Variants in CYP4Z1 observed in about 807,000 individuals in gnomAD.
CYP4Z1 encodes cytochrome P450 family 4 subfamily Z member 1.
Under a neutral mutation model 54.2 loss-of-function variants are expected in CYP4Z1, and 41 were observed. That is an observed-to-expected ratio of 0.76 (90% CI 0.59 to 0.98). The LOEUF is 0.98. Ranked by LOEUF, CYP4Z1 falls within the 50% of genes least tolerant of loss-of-function variation. CYP4Z1 has a pLI of 0.00. For missense variants in CYP4Z1, 513 were observed against 599.0 expected (o/e 0.86, Z 1.50); for synonymous variants, 163 against 206.2 (o/e 0.79, Z 1.79).
chr1:47,077,819 A>G (rs1234569808), intron 2 of CYP4Z1, among the ~76,000 whole-genome samples: 10 of 151,908 alleles, frequency 6.6e-5, no homozygotes, highest in South Asian at 2.1e-4. Flanking sequence ...GGGTCTCACT[A>G]TGTTGTCCAG....
Position 47,068,663 on chromosome 1 carries a change from G to A in CYP4Z1, c.219G>A (p.Met73Ile). 1.2e-6 allele frequency: 2 copies of A among 1,614,082 alleles called. No homozygotes were observed. Among genetic ancestry groups the A allele is most frequent in the South Asian group, 1.1e-5 (1 of 91,080 alleles). ...VKEFEVYHKL[M>I]EKYPCAVPLW... ...AGTTTGAGGTGTATCATAAGCTGATGGAAAAATACCCATGTGCTGTTCCCT... is the reference window on the plus strand; with the variant it reads ...AGTTTGAGGTGTATCATAAGCTGATAGAAAAATACCCATGTGCTGTTCCCT... Residue 73 changes from methionine to isoleucine, a missense_variant, in exon 2 of 12, where the codon ATG becomes ATA. Coordinates refer to ENST00000334194, the MANE Select transcript of CYP4Z1 (RefSeq NM_178134.3).
At chr1:47,078,417 T>G (rs1222606740) in intron 2 of CYP4Z1, among the ~76,000 whole-genome samples, 1 of 150,844 alleles carries the variant, frequency 6.6e-6, no homozygotes, top group African/African-American at 2.4e-5. Context: ...ATATTCTCTA[T>G]TTGTTCATAC....
At chr1:47,056,557 G>C in the CYP4Z1 span, among the ~76,000 whole-genome samples, 15,603 of 152,174 alleles carry the variant, frequency 0.1, 870 homozygotes, top group East Asian at 0.22. Context: ...GGGAGTCTAA[G>C]TCTCTTCGTA....
upstream of CYP4Z1, among the ~76,000 whole-genome samples, chr1:47,067,226 C>T (rs947974186): frequency 2.0e-5 from 3 of 152,168 alleles, no homozygotes; most frequent in Non-Finnish European, 2.9e-5. Flanking sequence ...TGCAGCAAAG[C>T]TTTCATATGG....
chr1:47,068,774 A>G lies in CYP4Z1; in HGVS notation c.319+11A>G, dbSNP rs763400476. 2 of 1,613,452 alleles carry G rather than the reference A, an allele frequency of 1.2e-6. No individual in the cohort carries two copies. Among genetic ancestry groups the G allele is most frequent in the African/African-American group, 2.7e-5 (2 of 74,900 alleles). ...TCCTGAAAAGACAAGGTAAAAACCA[A>G]GAGGGGCTCACAGTACAGAGCAGCA... On this transcript the variant is annotated intron_variant, in intron 2 of 11. Transcript: ENST00000334194.
intron 6 of CYP4Z1, among the ~76,000 whole-genome samples, chr1:47,088,735 GC>G (rs1287955576): frequency 1.4e-5 from 2 of 138,006 alleles, no homozygotes; most frequent in South Asian, 2.5e-4. Context: ...TCCTGCCTCA[GC>G]CCCCCAAGCA....
the CYP4Z1 span, among the ~76,000 whole-genome samples, chr1:47,058,131 C>T: frequency 6.6e-6 from 1 of 152,120 alleles, no homozygotes; most frequent in Admixed American, 6.6e-5. Context: ...AGCTTTTCAT[C>T]TCCTGAATCA....
At chr1:47,056,919 A>G in the CYP4Z1 span, among the ~76,000 whole-genome samples, 1 of 152,104 alleles carries the variant, frequency 6.6e-6, no homozygotes, top group Non-Finnish European at 1.5e-5. Context: ...GCCCATTTAC[A>G]TTTAAGGTTA....
At chr1:47,059,930 G>C in the CYP4Z1 span, among the ~76,000 whole-genome samples, 1 of 152,108 alleles carries the variant, frequency 6.6e-6, no homozygotes. Context: ...ATTATGTGAA[G>C]TCCAGGGCAC....
intron 9 of CYP4Z1, among the ~76,000 whole-genome samples, chr1:47,113,215 A>G (rs2148542632): frequency 6.6e-6 from 1 of 152,298 alleles, no homozygotes; most frequent in Admixed American, 6.5e-5. Context: ...CAAGTATTAA[A>G]GCTTGGCTTC....
intron 2 of CYP4Z1, among the ~76,000 whole-genome samples, chr1:47,070,028 T>C (rs1644480513): frequency 8.6e-6 from 1 of 116,836 alleles, no homozygotes; most frequent in African/African-American, 3.6e-5. Flanking sequence ...TATGGGATGT[T>C]AAGTTATTTA....
chr1:47,094,443 G>A (rs542992906), intron 6 of CYP4Z1, 123 bp from the exon 7 acceptor site: 381 of 639,948 alleles, frequency 6.0e-4, no homozygotes, highest in Non-Finnish European at 6.6e-4. Flanking sequence ...ACCAACTCAG[G>A]AACATTGGGT....
chr1:47,113,693 C>A (rs563760408), intron 9 of CYP4Z1, among the ~76,000 whole-genome samples: 2 of 152,286 alleles, frequency 1.3e-5, no homozygotes, highest in African/African-American at 2.4e-5. Context: ...CTCCCATTCA[C>A]AATTGCTTCA....
chr1:47,077,125 T>C (rs1368615398), intron 2 of CYP4Z1, among the ~76,000 whole-genome samples: 1 of 151,924 alleles, frequency 6.6e-6, no homozygotes, highest in African/African-American at 2.4e-5. Context: ...AAGTTCTCTA[T>C]TTCCTTATTA....
Position 47,073,645 on chromosome 1 carries a change from A to G in CYP4Z1, c.319+4882A>G, listed in dbSNP as rs568720395. The stretch of plus-strand genomic sequence containing the variant: ...GCATGAGCCAACGCACCAGGCCAAG[A>G]CCAATTTTATTTTAATTTGCATTTC... On this transcript the variant is annotated intron_variant, in intron 2 of 11. Transcript: ENST00000334194. Among the ~76,000 whole-genome samples the G allele has an allele frequency of 4.0e-4, 61 of 152,352 alleles. No individual in the cohort carries two copies. The South Asian group carries it at 0.013, about 32-fold the overall frequency.
In CYP4Z1 at chr1:47,067,667, G is replaced by A; in HGVS notation, c.177G>A (p.Glu59=). 6.3e-7 allele frequency: 1 copy of A among 1,593,894 alleles called. No individual in the cohort carries two copies. Residue 59 remains glutamate, a splice_region_variant and synonymous_variant, in exon 1 of 12, where the codon GAG becomes GAA. Transcript: ENST00000334194. ...PPAHWFYGHK[E]FYPVKEFEVY... is the part of the protein sequence containing the mutation. ...CCCACTGGTTCTATGGCCACAAGGA[G>A]GTAAGAGGAGAAAATTAGTTGGGGA...
upstream of CYP4Z1, among the ~76,000 whole-genome samples, chr1:47,065,491 T>C (rs919989901): frequency 1.3e-5 from 2 of 152,014 alleles, no homozygotes; most frequent in Admixed American, 6.6e-5. Context: ...TGAACAATAA[T>C]AGTGACACAA....
the CYP4Z1 span, among the ~76,000 whole-genome samples, chr1:47,055,656 A>T: frequency 6.6e-6 from 1 of 152,138 alleles, no homozygotes; most frequent in Non-Finnish European, 1.5e-5. Flanking sequence ...GGGAGGGTGT[A>T]TGTGTCGAGG....
chr1:47,087,497 T>C (rs1644605097), intron 6 of CYP4Z1, among the ~76,000 whole-genome samples: 1 of 152,232 alleles, frequency 6.6e-6, no homozygotes, highest in Admixed American at 6.5e-5. Context: ...TCTCTGTTTG[T>C]CTGTTATTGG....
Sources: gnomAD v4.1 joint callset for allele counts (sites outside exome capture counted in the v4.1 genomes callset) on GRCh38, gnomAD v4.1.1 for gene constraint, MANE v1.5 for transcripts, NCBI Gene and HGNC (gene_info 2026-07-23, HGNC 2026-07-21) for gene names.